The following GRIA1 variants were observed in gnomAD, a reference collection of about 807,000 sequenced individuals.
The protein encoded by GRIA1 is glutamate receptor 1.
In GRIA1, 31 loss-of-function variants were observed where a neutral mutation model predicts 99.2. The ratio of observed to expected loss-of-function variants is 0.31; its 90% CI spans 0.23 to 0.42. The LOEUF (loss-of-function observed/expected upper bound fraction) is 0.42. GRIA1 is among the 10% of genes least tolerant of loss of function. GRIA1 has a pLI of 1.00. For synonymous variants in GRIA1, 438 were observed against 432.4 expected (o/e 1.01, Z -0.16); for missense variants, 782 against 1,157.5 (o/e 0.68, Z 4.71).
chr5:153,676,886 A>G (rs1029463405), intron 6 of GRIA1, 108 bp from the exon 7 acceptor site: 1 of 843,976 alleles, frequency 1.2e-6, no homozygotes, highest in Non-Finnish European at 1.7e-6. Context: ...CATCTGGCCC[A>G]CTGCACACCC....
intron 11 of GRIA1, among the ~76,000 whole-genome samples, chr5:153,750,813 A>G (rs1378916910): frequency 6.6e-6 from 1 of 152,198 alleles, no homozygotes; most frequent in Non-Finnish European, 1.5e-5. Flanking sequence ...AGAACTAAGC[A>G]CAGGCCGGGC....
At chr5:153,790,736 C>T (rs1000069727) in intron 13 of GRIA1, among the ~76,000 whole-genome samples, 6 of 152,220 alleles carry the variant, frequency 3.9e-5, no homozygotes, top group African/African-American at 7.2e-5. Flanking sequence ...TCTCTTTAAA[C>T]GTTTCTACTT....
chr5:153,668,792 C>A (rs994814390), intron 5 of GRIA1, among the ~76,000 whole-genome samples: 2 of 152,198 alleles, frequency 1.3e-5, no homozygotes, highest in Non-Finnish European at 2.9e-5. Context: ...CACAAATATT[C>A]GTTCAAGAAA....
chr5:153,506,346 T>C (rs1293421012), intron 2 of GRIA1, among the ~76,000 whole-genome samples: 1 of 151,788 alleles, frequency 6.6e-6, no homozygotes, highest in Non-Finnish European at 1.5e-5. Context: ...TGTGTGTGTG[T>C]GTGTGTGTGT....
chr5:153,667,317 T>C (rs923598729), intron 5 of GRIA1, among the ~76,000 whole-genome samples: 1 of 152,204 alleles, frequency 6.6e-6, no homozygotes, highest in Non-Finnish European at 1.5e-5. Flanking sequence ...GGCAGGATGA[T>C]GAGGGCTGAA....
At chr5:153,505,778 A>C (rs571367295) in intron 2 of GRIA1, among the ~76,000 whole-genome samples, 2 of 152,390 alleles carry the variant, frequency 1.3e-5, no homozygotes, top group East Asian at 3.9e-4. Flanking sequence ...TAGACAATGA[A>C]TACATTTACA....
chr5:153,801,527 A>C (rs1419326297), intron 14 of GRIA1, among the ~76,000 whole-genome samples: 1 of 152,236 alleles, frequency 6.6e-6, no homozygotes, highest in Admixed American at 6.5e-5. Context: ...CCTAGGAATG[A>C]AGCACCCTTT....
At chr5:153,728,850 G>A (rs1760780760) in intron 11 of GRIA1, among the ~76,000 whole-genome samples, 1 of 106,992 alleles carries the variant, frequency 9.3e-6, no homozygotes, top group Non-Finnish European at 1.9e-5. Context: ...TCTAGAACTA[G>A]AAATACCATT....
At chr5:153,597,852 A>AG (rs547309839) in intron 2 of GRIA1, among the ~76,000 whole-genome samples, 4 of 151,912 alleles carry the variant, frequency 2.6e-5, no homozygotes, top group Admixed American at 6.6e-5. Flanking sequence ...TAAAAAAAAA[A>AG]AAAAAATTAA....
At chr5:153,592,688 C>T (rs1051326960) in intron 2 of GRIA1, among the ~76,000 whole-genome samples, 3 of 152,020 alleles carry the variant, frequency 2.0e-5, no homozygotes, top group African/African-American at 7.2e-5. Flanking sequence ...GATATTTTAC[C>T]TTTGTATCTC....
chr5:153,661,722 A>G (rs976815003), intron 5 of GRIA1, among the ~76,000 whole-genome samples: 2 of 152,244 alleles, frequency 1.3e-5, no homozygotes, highest in Non-Finnish European at 2.9e-5. Flanking sequence ...GTCTGCACCT[A>G]CATATCAAAT....
intron 2 of GRIA1, among the ~76,000 whole-genome samples, chr5:153,535,949 T>G (rs779613988): frequency 6.6e-6 from 1 of 152,230 alleles, no homozygotes; most frequent in African/African-American, 2.4e-5. Flanking sequence ...AACTGGCTTC[T>G]GCCACCACTG....
At chr5:153,806,511 G>A (rs1766437396) in intron 15 of GRIA1, among the ~76,000 whole-genome samples, 1 of 152,110 alleles carries the variant, frequency 6.6e-6, no homozygotes, top group South Asian at 2.1e-4. Flanking sequence ...GTGATCCACT[G>A]CCTTGACTTC....
chr5:153,654,919 C>T (rs1223348368), intron 4 of GRIA1, among the ~76,000 whole-genome samples: 1 of 152,158 alleles, frequency 6.6e-6, no homozygotes, highest in East Asian at 1.9e-4. Flanking sequence ...AGGTGTGTCT[C>T]CTGCCCAAGC....
chr5:153,492,323 G>A (rs1288690863), intron 1 of GRIA1: 6 of 1,524,252 alleles, frequency 3.9e-6, no homozygotes, highest in Non-Finnish European at 5.3e-6. Flanking sequence ...ACGTATCTGT[G>A]TGTTAGTGCC....
chr5:153,540,120 G>A (rs1758935487), intron 2 of GRIA1, among the ~76,000 whole-genome samples: 1 of 152,234 alleles, frequency 6.6e-6, no homozygotes, highest in African/African-American at 2.4e-5. Context: ...CCTCTGGAAA[G>A]CCAGCCAGTG....
chr5:153,528,943 G>GT (rs1447094301), intron 2 of GRIA1, among the ~76,000 whole-genome samples: 1 of 152,124 alleles, frequency 6.6e-6, no homozygotes, highest in Non-Finnish European at 1.5e-5. Flanking sequence ...GGTTACCAGA[G>GT]TAGATATACA....
chr5:153,680,175 G>A (rs114022323), intron 7 of GRIA1, among the ~76,000 whole-genome samples: 7,481 of 152,142 alleles, frequency 0.049, 216 homozygotes, highest in Middle Eastern at 0.12. Flanking sequence ...AGACACAAGA[G>A]CTATGGCCCA....
At chr5:153,640,858 A>G (rs1378214457) in intron 2 of GRIA1, among the ~76,000 whole-genome samples, 1 of 152,210 alleles carries the variant, frequency 6.6e-6, no homozygotes, top group African/African-American at 2.4e-5. Flanking sequence ...TATCTAGTAA[A>G]TGACAGACAC....
Sources: allele counts gnomAD v4.1 joint callset (sites outside exome capture counted in the v4.1 genomes callset), GRCh38; gene constraint gnomAD v4.1.1; transcripts MANE v1.5; gene names NCBI Gene and HGNC (gene_info 2026-07-23, HGNC 2026-07-21).